TET3: variants seen among roughly 807,000 people sequenced by gnomAD.
TET3 encodes the protein tet methylcytosine dioxygenase 3.
A neutral mutation model predicts 141.4 loss-of-function variants in TET3; 19 were observed. The observed-to-expected ratio is 0.13, with a 90% CI of 0.09 to 0.20. The LOEUF (loss-of-function observed/expected upper bound fraction) is 0.20. Among genes scored for constraint, TET3 ranks in the 10% least tolerant of loss-of-function variants. TET3 has a pLI of 1.00. For synonymous variants in TET3, 1,043 were observed against 980.9 expected, an observed-to-expected ratio of 1.06 and a Z score of -1.18; for missense variants, 1,874 against 2,356.9, an observed-to-expected ratio of 0.80 and a Z score of 4.24.
chr2:74,022,112 T>G (rs1686079832), intron 3 of TET3, among the ~76,000 whole-genome samples: 1 of 150,328 alleles, frequency 6.7e-6, no homozygotes, highest in Non-Finnish European at 1.5e-5. Flanking sequence ...TTTTTTTTTT[T>G]TTTTTCCATT....
chr2:74,093,506 CCT>C lies in TET3; in HGVS notation c.3130-19_3130-18del, dbSNP rs767642149. 2.8e-5 allele frequency: 44 copies of C among 1,582,690 alleles called. No individual in the cohort carries two copies. Among genetic ancestry groups the C allele is most frequent in the Middle Eastern group, 1.7e-4 (1 of 5,946 alleles). On this transcript the variant is annotated intron_variant, in intron 9 of 11. Transcript: ENST00000409262. This position sits in a 1 kb window ranked among gnomAD's most constrained non-coding sequence, Gnocchi z 4.2. ...CCACTCACCTCAGGTCATGTGAGCA[CCT>C]CTCCTTGGCTGTCTACACAGGTGAC...
At chr2:74,133,989 C>A in the TET3 span, among the ~76,000 whole-genome samples, 5 of 152,222 alleles carry the variant, frequency 3.3e-5, no homozygotes, top group Admixed American at 1.3e-4. Context: ...GTGATCCCCC[C>A]CCCTCGGCCT....
rs370941853 is a variant in TET3, at chr2:74,062,228, G to A, written c.2495-11321G>A. On this transcript the variant is annotated intron_variant, in intron 4 of 11. Coordinates refer to ENST00000409262, the MANE Select transcript of TET3 (RefSeq NM_001287491.2). The stretch of plus-strand genomic sequence containing the variant: ...GCGGTTAGGAGCTGGAGACCAGCCC[G>A]GCCAACACAGCGAAACCCCGTCTCC... 5.3e-5 allele frequency among the ~76,000 whole-genome samples: 8 copies of A among 152,158 alleles called. No individual in the cohort carries two copies. The East Asian group carries it at 1.2e-3, about 22-fold the overall frequency.
intron 2 of TET3, among the ~76,000 whole-genome samples, chr2:73,992,614 CTTG>C (rs201830143): frequency 0.017 from 2,568 of 152,136 alleles, 23 homozygotes; most frequent in Non-Finnish European, 0.025. Context: ...GTGCCCGGCC[CTTG>C]TTGTTTTTTT....
chr2:74,081,181 G>T (rs1238069777), intron 6 of TET3, among the ~76,000 whole-genome samples: 2 of 152,220 alleles, frequency 1.3e-5, no homozygotes, highest in African/African-American at 4.8e-5. Flanking sequence ...TCTTCACAGG[G>T]AGAACATCAG....
downstream of TET3, among the ~76,000 whole-genome samples, chr2:74,112,387 A>T (rs1257330370): frequency 6.6e-6 from 1 of 152,190 alleles, no homozygotes. Flanking sequence ...TCTGTAAGAA[A>T]CTAACTCCTT....
chr2:74,095,970 A>G (rs778654356), intron 10 of TET3, among the ~76,000 whole-genome samples: 7 of 152,168 alleles, frequency 4.6e-5, no homozygotes, highest in Non-Finnish European at 8.8e-5. Context: ...ATATGATCTT[A>G]TTTTAATTTG....
chr2:74,118,509 C>T, the TET3 span, among the ~76,000 whole-genome samples: 1 of 152,130 alleles, frequency 6.6e-6, no homozygotes, highest in Non-Finnish European at 1.5e-5. Flanking sequence ...TGTAAGAATA[C>T]AGTATATAAT....
chr2:73,999,602 A>C (rs1214149842), intron 2 of TET3, among the ~76,000 whole-genome samples: 1 of 151,526 alleles, frequency 6.6e-6, no homozygotes, highest in Non-Finnish European at 1.5e-5. Flanking sequence ...TCACCTCTCC[A>C]GTGGGGAGGG....
chr2:74,102,282 A>G lies in TET3; in HGVS notation c.*106A>G, dbSNP rs746747853. 2.1e-4 allele frequency: 281 copies of G among 1,348,018 alleles called. No individual in the cohort carries two copies. Among genetic ancestry groups the G allele is most frequent in the Non-Finnish European group, 2.6e-4 (269 of 1,052,218 alleles). 83.5% of individuals were successfully genotyped at this position (1,348,018 alleles called of 1,614,324 possible). On this transcript the variant is annotated 3_prime_UTR_variant, in exon 12 of 12. Coordinates refer to ENST00000409262, the MANE Select transcript of TET3 (RefSeq NM_001287491.2). ...GGGTTGGGGGTGCAGAAGTCTTTTT[A>G]TCTCTATATACATATATAGATGCGC...
chr2:74,083,255 G>A (rs376931519), intron 6 of TET3, among the ~76,000 whole-genome samples: 34 of 152,360 alleles, frequency 2.2e-4, no homozygotes, highest in South Asian at 1.9e-3. Flanking sequence ...TGAAGGCTCA[G>A]AACAACAGAG....
rs1432095165 is a variant in TET3 at position 74,093,481 on chromosome 2, C to G, written c.3130-48C>G. ...GGCCTCCCCAGGTGCAGAATCGGGG[C>G]CACTCACCTCAGGTCATGTGAGCAC... On this transcript the variant is annotated intron_variant, in intron 9 of 11. Transcript: ENST00000409262. The surrounding 1 kb of genome is among the most constrained non-coding windows in gnomAD (Gnocchi z 4.2). The G allele has an allele frequency of 1.3e-6, 2 of 1,517,472 alleles. No homozygotes were observed. The highest frequency in any genetic ancestry group is 8.9e-7 in the Non-Finnish European group (1 of 1,124,802). 94.0% of individuals were successfully genotyped at this position (1,517,472 alleles called of 1,614,324 possible).
the TET3 span, among the ~76,000 whole-genome samples, chr2:74,134,144 A>G: frequency 2.0e-5 from 3 of 152,326 alleles, no homozygotes; most frequent in Non-Finnish European, 4.4e-5. Context: ...AGGTCTCTCC[A>G]TTCTCACTGA....
Position 74,093,536 on chromosome 2 carries a change from A to G in TET3, c.3137A>G (p.Asn1046Ser). ...CCTTGGCTGTCTACACAGGTGACCA[A>G]CGAGGAAATAGCGATTGACTGCCGT... ...APQAYQNQVT[N>S]EEIAIDCRLG... Residue 1046 changes from asparagine (N) to serine (S), a missense_variant, in exon 10 of 12, where the codon AAC becomes AGC. Coordinates refer to ENST00000409262, the MANE Select transcript of TET3 (RefSeq NM_001287491.2). The surrounding 1 kb of genome is among the most constrained non-coding windows in gnomAD (Gnocchi z 4.2). 6.2e-7 allele frequency: 1 copy of G among 1,609,360 alleles called. No homozygotes were observed.
intron 3 of TET3, among the ~76,000 whole-genome samples, chr2:74,041,083 T>C (rs892780507): frequency 6.6e-6 from 1 of 152,174 alleles, no homozygotes; most frequent in Non-Finnish European, 1.5e-5. Flanking sequence ...AGCTGCTTGC[T>C]TTTCTTTTCC....
the TET3 span, among the ~76,000 whole-genome samples, chr2:74,124,739 G>C: frequency 6.6e-6 from 1 of 152,020 alleles, no homozygotes; most frequent in African/African-American, 2.4e-5. Context: ...TGCTCGTTAA[G>C]AGTCATCACC....
chr2:74,061,331 C>T (rs1482641022), intron 4 of TET3, among the ~76,000 whole-genome samples: 7 of 132,888 alleles, frequency 5.3e-5, no homozygotes, highest in East Asian at 2.4e-4. Flanking sequence ...GCAGAGGCGC[C>T]CCTCACCTCC....
intron 5 of TET3, among the ~76,000 whole-genome samples, chr2:74,078,966 A>G (rs1689659203): frequency 6.6e-6 from 1 of 152,210 alleles, no homozygotes; most frequent in Non-Finnish European, 1.5e-5. Flanking sequence ...CGCTTTCCCA[A>G]AGTTAGCCAG....
intron 3 of TET3, among the ~76,000 whole-genome samples, chr2:74,012,689 G>T (rs112857360): frequency 2.0e-5 from 3 of 152,332 alleles, no homozygotes; most frequent in Middle Eastern, 3.4e-3. Context: ...TACCAAATAT[G>T]TATTGAGTAG....
Sources: gnomAD v4.1 joint callset for allele counts (sites outside exome capture counted in the v4.1 genomes callset) on GRCh38, gnomAD v4.1.1 for gene constraint, Gnocchi (gnomAD v3.1) non-coding constraint, MANE v1.5 for transcripts, NCBI Gene and HGNC (gene_info 2026-07-23, HGNC 2026-07-21) for gene names.